The following GALNS variants were observed in gnomAD, a reference collection of about 807,000 sequenced individuals.
The protein encoded by GALNS is N-acetylgalactosamine-6-sulfatase.
Under a neutral mutation model 65.9 loss-of-function variants are expected in GALNS, and 65 were observed. The observed-to-expected ratio is 0.99, with a 90% confidence interval of 0.81 to 1.21. GALNS has a LOEUF of 1.21. Among genes scored for constraint, GALNS ranks in the 50% most tolerant of loss-of-function variants. The pLI is 0.00. For missense variants in GALNS, 776 were observed against 700.7 expected (o/e 1.11, Z -1.21); for synonymous variants, 346 against 288.9 (o/e 1.20, Z -2.00).
intron 13 of GALNS, chr16:88,816,798 G>A: frequency 1.0e-6 from 1 of 985,476 alleles, no homozygotes; most frequent in Non-Finnish European, 1.2e-6. Flanking sequence ...GCTTCAGCTG[G>A]GCCTTTTCGC....
chr16:88,830,962 G>T (rs1237022213), intron 9 of GALNS, among the ~76,000 whole-genome samples: 1 of 152,200 alleles, frequency 6.6e-6, no homozygotes, highest in Non-Finnish European at 1.5e-5. Context: ...GAAGCTCATG[G>T]TGCCCACCAG....
chr16:88,833,450 T>TC (rs71158760), intron 8 of GALNS, among the ~76,000 whole-genome samples: 31,802 of 141,152 alleles, frequency 0.23, 4,193 homozygotes, highest in East Asian at 0.56. Context: ...CTCTCTCCCA[T>TC]CCCCTTTTTT....
intron 11 of GALNS, among the ~76,000 whole-genome samples, chr16:88,823,530 A>T (rs1910475228): frequency 7.6e-6 from 1 of 130,742 alleles, no homozygotes. Flanking sequence ...CGCAGGCGGC[A>T]ATGCCGGGGA....
chr16:88,816,823 C>G, intron 13 of GALNS: 1 of 985,462 alleles, frequency 1.0e-6, no homozygotes. Flanking sequence ...ACAGCAGGAG[C>G]CCAGGCTGAA....
intron 13 of GALNS, chr16:88,816,885 G>A: frequency 3.0e-6 from 3 of 985,436 alleles, no homozygotes; most frequent in Non-Finnish European, 3.6e-6. Context: ...GCAGATCCAG[G>A]GGCTGTGGGC....
chr16:88,834,125 T>C (rs1228364140), intron 8 of GALNS, among the ~76,000 whole-genome samples: 2 of 152,224 alleles, frequency 1.3e-5, no homozygotes, highest in Non-Finnish European at 2.9e-5. Flanking sequence ...GAGATGGAGC[T>C]GTCCGGAGGG....
intron 1 of GALNS, among the ~76,000 whole-genome samples, chr16:88,852,720 C>G (rs1224226100): frequency 2.0e-5 from 3 of 152,280 alleles, no homozygotes; most frequent in African/African-American, 7.2e-5. Context: ...AACCATGGCA[C>G]CAGAACTACG....
intron 6 of GALNS, 39 bp downstream of exon 6, chr16:88,836,162 A>C (rs749803679): frequency 1.3e-6 from 2 of 1,592,664 alleles, no homozygotes; most frequent in Non-Finnish European, 1.7e-6. Context: ...CCCCGTCCCC[A>C]TGCGTCCCAC....
rs950619878 is a variant in GALNS, at chr16:88,852,530, T to C, written c.120+4228A>G. 3.3e-5 allele frequency among the ~76,000 whole-genome samples: 5 copies of C among 152,232 alleles called. 1 individual carries two copies. On this transcript the variant is annotated intron_variant, in intron 1 of 13. Coordinates refer to ENST00000268695, the MANE Select transcript of GALNS (RefSeq NM_000512.5). ...CAAGGGAACAAAGCTGGACAGAGAATGACTCTGACGAGCTGACAGAAGTAG... is the reference window on the plus strand; with the variant it reads ...CAAGGGAACAAAGCTGGACAGAGAACGACTCTGACGAGCTGACAGAAGTAG...
chr16:88,818,013 C>T lies in GALNS; in HGVS notation c.1476G>A (p.Ala492=), dbSNP rs371056948. The T allele has an allele frequency of 2.8e-5, 45 of 1,581,260 alleles. No individual in the cohort carries two copies. The highest frequency in any genetic ancestry group is 3.4e-5 in the Non-Finnish European group (40 of 1,169,292). Reference sequence around the variant, plus strand: ...CCACACACCAGCCACTTACCATGACCGCCCAGTTGCACACGTTGAGCTGGG... The same window carrying T: ...CCACACACCAGCCACTTACCATGACTGCCCAGTTGCACACGTTGAGCTGGG... The part of the protein sequence containing the change: ...AQPQLNVCNW[A]VMNWAPPGCE... Residue 492 remains alanine, a synonymous_variant, in exon 13 of 14, where the codon GCG becomes GCA. Transcript: ENST00000268695.
At chr16:88,826,323 G>A (rs1236573108) in intron 10 of GALNS, among the ~76,000 whole-genome samples, 1 of 149,778 alleles carries the variant, frequency 6.7e-6, no homozygotes, top group Non-Finnish European at 1.5e-5. Flanking sequence ...TCTGGGTACA[G>A]GCAGGGAACA....
rs117664384 is a variant in GALNS at position 88,834,876 on chromosome 16, G to T, written c.898+337C>A. Among the ~76,000 whole-genome samples, 1,232 of 152,232 alleles carry T rather than the reference G, an allele frequency of 8.1e-3. 17 individuals carry two copies. Among genetic ancestry groups the T allele is most frequent in the East Asian group, 0.036 (184 of 5,164 alleles). ...GGGTGCCGGCCCCCACCTCAGCAGG[G>T]ACACCCTGCTCCACCGGCCCTGCTG... On this transcript the variant is annotated intron_variant, in intron 8 of 13. Transcript: ENST00000268695.
At position 88,818,660 on chromosome 16, in the gene GALNS, G is replaced by A. The variant is rs80119904; in HGVS notation, c.1365-536C>T. 5.6e-3 allele frequency among the ~76,000 whole-genome samples: 849 copies of A among 152,350 alleles called. 11 individuals carry two copies. Among genetic ancestry groups the A allele is most frequent in the African/African-American group, 0.019 (810 of 41,574 alleles). ...ATTACACGGCTCGACGAGGTGCCACGGTTCGCGATGTCAGGGCCGCAGTTT... is the reference window on the plus strand; with the variant it reads ...ATTACACGGCTCGACGAGGTGCCACAGTTCGCGATGTCAGGGCCGCAGTTT... On this transcript the variant is annotated intron_variant, in intron 12 of 13. Coordinates refer to ENST00000268695, the MANE Select transcript of GALNS (RefSeq NM_000512.5).
intron 1 of GALNS, among the ~76,000 whole-genome samples, chr16:88,854,567 T>C (rs1490215091): frequency 6.6e-6 from 1 of 152,236 alleles, no homozygotes; most frequent in Non-Finnish European, 1.5e-5. Context: ...CAGGTCAGCA[T>C]GTGCCCCTCC....
At chr16:88,824,661 C>T in intron 11 of GALNS, 106 bp downstream of exon 11, 1 of 909,234 alleles carries the variant, frequency 1.1e-6, no homozygotes, top group Non-Finnish European at 1.8e-6. Context: ...GGGTGGAGTT[C>T]CTGCCTGTCT....
rs114768565 is a variant in GALNS, at chr16:88,832,315, A to G, written c.899-214T>C. 4.9e-3 allele frequency among the ~76,000 whole-genome samples: 752 copies of G among 152,284 alleles called. 10 individuals are homozygous for G. The highest frequency in any genetic ancestry group is 0.017 in the African/African-American group (705 of 41,562). On this transcript the variant is annotated intron_variant, in intron 8 of 13. Coordinates refer to ENST00000268695, the MANE Select transcript of GALNS (RefSeq NM_000512.5). The stretch of plus-strand genomic sequence containing the variant: ...GTCTCCTGGAGAAAGTGGGGACATC[A>G]TGCCCACTGAGGAAATGGAAACACA...
At chr16:88,835,105 C>G (rs1911973086) in intron 8 of GALNS, 108 bp downstream of exon 8, 2 of 1,401,592 alleles carry the variant, frequency 1.4e-6, no homozygotes, top group Non-Finnish European at 2.0e-6. Flanking sequence ...CCCAGAGGGA[C>G]CCTTCATGCT....
Position 88,851,457 on chromosome 16 carries a change from C to T in GALNS, c.120+5301G>A, listed in dbSNP as rs112985219. Among the ~76,000 whole-genome samples the T allele has an allele frequency of 3.6e-3, 550 of 152,238 alleles. 2 individuals are homozygous for T. Among genetic ancestry groups the T allele is most frequent in the African/African-American group, 0.012 (515 of 41,530 alleles). On this transcript the variant is annotated intron_variant, in intron 1 of 13. Transcript: ENST00000268695. ...CCAGCGTGATTGACGCAGAAGACGGCGATTTCTGCATTTCCAACTGAGGTG... is the reference window on the plus strand; with the variant it reads ...CCAGCGTGATTGACGCAGAAGACGGTGATTTCTGCATTTCCAACTGAGGTG...
chr16:88,817,563 C>T (rs148794385), intron 13 of GALNS: 96 of 975,630 alleles, frequency 9.8e-5, no homozygotes, highest in African/African-American at 8.0e-4. Context: ...CGGGCAGTGC[C>T]GTTCCTGCCT....
Sources: gnomAD v4.1 joint callset for allele counts (sites outside exome capture counted in the v4.1 genomes callset) on GRCh38, gnomAD v4.1.1 for gene constraint, MANE v1.5 for transcripts, NCBI Gene and HGNC (gene_info 2026-07-23, HGNC 2026-07-21) for gene names.